SYNJ1: variants seen among roughly 807,000 people sequenced by gnomAD.
The protein encoded by SYNJ1 is synaptojanin 1.
In SYNJ1, 78 loss-of-function variants were observed where a neutral mutation model predicts 168.2. That is an observed-to-expected ratio of 0.46 (90% CI 0.39 to 0.56). The LOEUF is 0.56. Among genes scored for constraint, SYNJ1 ranks in the 20% least tolerant of loss-of-function variants. SYNJ1 has a pLI of 0.00. For missense variants in SYNJ1, 1,303 were observed against 1,597.6 expected (o/e 0.82, Z 3.14); for synonymous variants, 539 against 548.6 (o/e 0.98, Z 0.24).
upstream of SYNJ1, chr21:32,728,129 G>T: frequency 7.2e-7 from 1 of 1,398,074 alleles, no homozygotes; most frequent in Non-Finnish European, 9.4e-7. Flanking sequence ...TGCGCCGACC[G>T]GCTGGGCCTG....
At chr21:32,711,337 C>CTT (rs766824769) in intron 2 of SYNJ1, among the ~76,000 whole-genome samples, 8 of 144,206 alleles carry the variant, frequency 5.5e-5, no homozygotes, top group Admixed American at 7.0e-5. Flanking sequence ...GAGTGACTTA[C>CTT]TTTTTTTTTT....
At chr21:32,657,542 GTTA>G (rs1405375656) in intron 19 of SYNJ1, among the ~76,000 whole-genome samples, 171 bp downstream of exon 19, 1 of 152,002 alleles carries the variant, frequency 6.6e-6, no homozygotes, top group Admixed American at 6.6e-5. Context: ...AATTAAATAA[GTTA>G]TTATAAACAG....
chr21:32,673,305 A>T (rs368179181), intron 14 of SYNJ1, 35 bp downstream of exon 14: 2 of 1,574,500 alleles, frequency 1.3e-6, no homozygotes, highest in South Asian at 2.4e-5. Flanking sequence ...CACAGTCAGG[A>T]TTTATTAACT....
At chr21:32,681,695 T>A in intron 10 of SYNJ1, 47 bp from the exon 11 acceptor site, 1 of 1,536,544 alleles carries the variant, frequency 6.5e-7, no homozygotes, top group Non-Finnish European at 8.8e-7. Flanking sequence ...AATATATTAA[T>A]TGTAATATGG....
intron 2 of SYNJ1, among the ~76,000 whole-genome samples, chr21:32,714,483 A>G (rs563875700): frequency 1.2e-3 from 178 of 152,366 alleles, no homozygotes; most frequent in Non-Finnish European, 2.2e-3. Flanking sequence ...AGAGCCAGCT[A>G]AATGCAGGCA....
intron 6 of SYNJ1, among the ~76,000 whole-genome samples, chr21:32,690,501 G>A (rs1373963803): frequency 6.6e-6 from 1 of 152,182 alleles, no homozygotes; most frequent in African/African-American, 2.4e-5. Flanking sequence ...AATGTTGAAA[G>A]AAAAGTTTTA....
chr21:32,642,172 T>G (rs769778418), intron 27 of SYNJ1, 39 bp from the exon 28 acceptor site: 18 of 1,611,916 alleles, frequency 1.1e-5, no homozygotes, highest in Non-Finnish European at 1.5e-5. Flanking sequence ...AGTTGTAAGT[T>G]AACAATTAAG....
At position 32,664,961 on chromosome 21, in the gene SYNJ1, A is replaced by G. The variant is rs558277504; in HGVS notation, c.2256T>C (p.Asp752=). ...TAAGTTGATCTCCTGCTATAAGAGA[A>G]TCCCAATTTTGCTGTCTTATGAGCT... ...VKELIRQQNW[D]SLIAGDQLIN... The change falls in exon 18 of 33, where the codon GAT becomes GAC. Residue 752 remains aspartate (D), a synonymous_variant. Transcript: ENST00000674351. 6.2e-7 allele frequency: 1 copy of G among 1,613,562 alleles called. No individual in the cohort carries two copies. Among genetic ancestry groups the G allele is most frequent in the South Asian group, 1.1e-5 (1 of 91,042 alleles).
Position 32,678,690 on chromosome 21 carries a change from A to C in SYNJ1, c.1465T>G (p.Leu489Val), listed in dbSNP as rs1261158817. 5 of 1,611,948 alleles carry C rather than the reference A, an allele frequency of 3.1e-6. No homozygotes were observed. Among genetic ancestry groups the C allele is most frequent in the African/African-American group, 1.3e-5 (1 of 74,902 alleles). ...LLLGNTLNSD[L>V]ADKARALLTT... ...AAAAGTGCTCGAGCTTTGTCAGCTA[A>C]ATCACTATTCAGAGTATTTCCCAGT... The change falls in exon 12 of 33, where the codon TTA becomes GTA. Residue 489 changes from leucine (L) to valine (V), a missense_variant. By Grantham distance (32) the Leu-to-Val change is conservative. Around this residue, in one of 2 missense-constraint regions of SYNJ1, gnomAD observed 920 missense variants for 1,208.8 expected, o/e 0.76. Coordinates refer to ENST00000674351, the MANE Select transcript of SYNJ1 (RefSeq NM_203446.3).
rs1277503442 is a variant in SYNJ1 at position 32,695,234 on chromosome 21, A to T, written c.528T>A (p.Asp176Glu). ...CACACATAAGACGTAATAACCAGTC[A>T]TCACAATTCACGCCATAGTGTTTGA... is the stretch of plus-strand genomic sequence containing the variant. ...LHLKHYGVNC[D>E]DWLLRLMCGG... The change falls in exon 5 of 33, where the codon GAT becomes GAA. Residue 176 changes from aspartate to glutamate, a missense_variant. Physicochemically the swap from Asp to Glu is conservative, Grantham distance 45. Coordinates refer to ENST00000674351, the MANE Select transcript of SYNJ1 (RefSeq NM_203446.3). The T allele has an allele frequency of 6.2e-7, 1 of 1,614,178 alleles. No homozygotes were observed. The highest frequency in any genetic ancestry group is 1.7e-5 in the Admixed American group (1 of 60,034).
Position 32,678,782 on chromosome 21 carries a change from G to T in SYNJ1, c.1373C>A (p.Ser458Tyr). The T allele has an allele frequency of 6.2e-7, 1 of 1,610,506 alleles. No homozygotes were observed. Among genetic ancestry groups the T allele is most frequent in the Admixed American group, 1.7e-5 (1 of 58,938 alleles). The change falls in exon 12 of 33, where the codon TCT (serine) becomes TAT (tyrosine). Residue 458 changes from serine to tyrosine, a missense_variant. Around this residue, in one of 2 missense-constraint regions of SYNJ1, gnomAD observed 920 missense variants for 1,208.8 expected, o/e 0.76. Transcript: ENST00000674351. The part of the protein sequence containing the change: ...GKAKLKDGAR[S>Y]VTRTIQNNFF... ...GTTATTCTGAATTGTTCGGGTAACA[G>T]AGCGAGCACCATCTTTTAACTTTCC...
At chr21:32,715,471 C>T (rs1387860820) in intron 2 of SYNJ1, among the ~76,000 whole-genome samples, 1 of 148,830 alleles carries the variant, frequency 6.7e-6, no homozygotes, top group Non-Finnish European at 1.5e-5. Context: ...GAGACTCTGT[C>T]TCAAAAAAAA....
At chr21:32,636,358 G>A (rs2039565138) in intron 31 of SYNJ1, among the ~76,000 whole-genome samples, 1 of 152,098 alleles carries the variant, frequency 6.6e-6, no homozygotes, top group African/African-American at 2.4e-5. Flanking sequence ...CGAATTAAAT[G>A]AATCTCTTCT....
chr21:32,633,891 A>G (rs1780653027), intron 32 of SYNJ1, among the ~76,000 whole-genome samples: 1 of 152,248 alleles, frequency 6.6e-6, no homozygotes, highest in Admixed American at 6.5e-5. Flanking sequence ...ACAGACTTTA[A>G]ACTGTACTCT....
Position 32,645,739 on chromosome 21 carries a change from C to A in SYNJ1, c.3298G>T (p.Ala1100Ser). 1 of 1,466,484 alleles carries A rather than the reference C, an allele frequency of 6.8e-7. No homozygotes were observed. The highest frequency in any genetic ancestry group is 9.0e-7 in the Non-Finnish European group (1 of 1,107,936). The allele number at this position is 1,466,484 out of a possible 1,614,324, so 90.8% of individuals were successfully genotyped here. The part of the protein sequence containing the change: ...PATPLPQKDP[A>S]QPLEPKRPPP... ...GGCCGCTTGGGCTCCAAGGGCTGGG[C>A]GGGGTCTTTCTGCGGCAGCGGCGTT... Residue 1100 changes from alanine (A) to serine (S), a missense_variant, in exon 25 of 33, where the codon GCC becomes TCC. Coordinates refer to ENST00000674351, the MANE Select transcript of SYNJ1 (RefSeq NM_203446.3).
Position 32,666,152 on chromosome 21 carries a change from T to C in SYNJ1, c.1953-17A>G. 6.3e-7 allele frequency: 1 copy of C among 1,576,874 alleles called. No homozygotes were observed. Among genetic ancestry groups the C allele is most frequent in the Non-Finnish European group, 8.6e-7 (1 of 1,162,546 alleles). Reference sequence around the variant, plus strand: ...GCAACATCCCTTTGAAACAAAGAATTCTAAATCGCAGATTTGAAATTTCAA... The same window carrying C: ...GCAACATCCCTTTGAAACAAAGAATCCTAAATCGCAGATTTGAAATTTCAA... On this transcript the variant is annotated splice_polypyrimidine_tract_variant and intron_variant, in intron 16 of 32. Transcript: ENST00000674351.
chr21:32,632,302 A>G (rs1327439868), intron 32 of SYNJ1, among the ~76,000 whole-genome samples: 1 of 152,208 alleles, frequency 6.6e-6, no homozygotes, highest in African/African-American at 2.4e-5. Flanking sequence ...TAATTCTATT[A>G]GCATATTTTA....
chr21:32,699,646 T>C (rs536083142), intron 4 of SYNJ1, among the ~76,000 whole-genome samples, 192 bp downstream of exon 4: 3 of 152,102 alleles, frequency 2.0e-5, no homozygotes, highest in Non-Finnish European at 4.4e-5. Context: ...CCTCAAGGCG[T>C]TGGGACCCAG....
intron 32 of SYNJ1, among the ~76,000 whole-genome samples, chr21:32,633,995 T>A (rs1320664246): frequency 2.0e-5 from 3 of 152,166 alleles, no homozygotes; most frequent in African/African-American, 7.2e-5. Flanking sequence ...ACCAAAAATC[T>A]CTGGACTATT....
Sources: gnomAD v4.1 joint callset for allele counts (sites outside exome capture counted in the v4.1 genomes callset) on GRCh38, gnomAD v4.1.1 for gene constraint, gnomAD v4.1.1 regional missense constraint, MANE v1.5 for transcripts, NCBI Gene and HGNC (gene_info 2026-07-23, HGNC 2026-07-21) for gene names.